NRXN1: variants seen among roughly 807,000 people sequenced by gnomAD.
The protein encoded by NRXN1 is neurexin-1.
In NRXN1, 39 loss-of-function variants were observed where a neutral mutation model predicts 150.9. That is an observed-to-expected ratio of 0.26 (90% CI 0.20 to 0.34). The LOEUF (loss-of-function observed/expected upper bound fraction) is 0.34. Ranked by LOEUF, NRXN1 falls within the 10% of genes least tolerant of loss-of-function variation. The pLI, the probability that NRXN1 is intolerant of heterozygous loss-of-function variation, is 1.00. For synonymous variants in NRXN1, 924 were observed against 757.0 expected, an observed-to-expected ratio of 1.22 and a Z score of -3.62; for missense variants, 1,815 against 1,949.9, an observed-to-expected ratio of 0.93 and a Z score of 1.30.
At chr2:50,622,973 A>G (rs1680308552) in intron 6 of NRXN1, among the ~76,000 whole-genome samples, 2 of 152,168 alleles carry the variant, frequency 1.3e-5, no homozygotes, top group African/African-American at 4.8e-5. Context: ...ATGCTTCCAA[A>G]TGATCACCAT....
At chr2:50,369,684 C>T (rs997029616) in intron 17 of NRXN1, among the ~76,000 whole-genome samples, 6 of 151,966 alleles carry the variant, frequency 3.9e-5, no homozygotes, top group Non-Finnish European at 7.4e-5. Flanking sequence ...CTGAAGCTAA[C>T]GGGCATCTTT....
intron 5 of NRXN1, among the ~76,000 whole-genome samples, chr2:50,735,776 G>A (rs984319747): frequency 6.6e-6 from 1 of 152,038 alleles, no homozygotes; most frequent in African/African-American, 2.4e-5. Flanking sequence ...GACATCTTTT[G>A]TTATATAACC....
At chr2:50,645,304 A>G (rs966630388) in intron 5 of NRXN1, among the ~76,000 whole-genome samples, 4 of 151,966 alleles carry the variant, frequency 2.6e-5, no homozygotes, top group African/African-American at 4.8e-5. Flanking sequence ...GTGTTTTTCT[A>G]TAAGCTACAT....
intron 2 of NRXN1, among the ~76,000 whole-genome samples, chr2:51,006,886 C>A (rs756196107): frequency 1.3e-5 from 2 of 151,914 alleles, no homozygotes; most frequent in African/African-American, 2.4e-5. Context: ...GCCTCCTCTA[C>A]CTCCCAAATC....
intron 17 of NRXN1, among the ~76,000 whole-genome samples, chr2:50,458,456 A>G (rs1378328648): frequency 6.6e-6 from 1 of 152,212 alleles, no homozygotes; most frequent in Non-Finnish European, 1.5e-5. Flanking sequence ...GTTCCCAACA[A>G]AAATAAGTGA....
chr2:50,034,470 C>T (rs1689696705), intron 21 of NRXN1, among the ~76,000 whole-genome samples: 1 of 151,932 alleles, frequency 6.6e-6, no homozygotes, highest in South Asian at 2.1e-4. Flanking sequence ...TACAGGGAAA[C>T]AGCTGACACC....
chr2:50,394,316 C>T (rs954410743), intron 17 of NRXN1, among the ~76,000 whole-genome samples: 2 of 152,066 alleles, frequency 1.3e-5, no homozygotes. Context: ...TATATCAAAA[C>T]CAAAGTCTAA....
intron 17 of NRXN1, among the ~76,000 whole-genome samples, chr2:50,330,511 C>G (rs1355339045): frequency 2.0e-5 from 3 of 152,088 alleles, no homozygotes; most frequent in Non-Finnish European, 4.4e-5. Flanking sequence ...GAATGTCCTT[C>G]CTCCCAATAC....
chr2:49,936,133 T>C (rs902086553), intron 22 of NRXN1, among the ~76,000 whole-genome samples: 2 of 152,212 alleles, frequency 1.3e-5, no homozygotes, highest in Non-Finnish European at 2.9e-5. Flanking sequence ...GTAGGAGGTT[T>C]CTGTATCAGC....
intron 21 of NRXN1, among the ~76,000 whole-genome samples, chr2:49,956,763 T>C (rs753972680): frequency 2.6e-5 from 4 of 152,112 alleles, no homozygotes; most frequent in Non-Finnish European, 5.9e-5. Flanking sequence ...ATAAAGGAGA[T>C]AGTCTTTTTT....
In NRXN1 at chr2:50,429,732, T is replaced by C. The variant is rs568790338; in HGVS notation, c.3364+35710A>G. Among the ~76,000 whole-genome samples the C allele has an allele frequency of 5.3e-4, 81 of 152,188 alleles. 1 individual carries two copies. Among genetic ancestry groups the C allele is most frequent in the Non-Finnish European group, 4.1e-4 (28 of 68,010 alleles). ...ATGTATTACCTAATATTTGAGGCAA[T>C]TGAGCATCAGCCTTCAAAAAGGAAC... On this transcript the variant is annotated intron_variant, in intron 17 of 22. Transcript: ENST00000401669.
chr2:50,589,827 T>C (rs564218736), intron 8 of NRXN1, among the ~76,000 whole-genome samples: 12 of 152,276 alleles, frequency 7.9e-5, no homozygotes, highest in South Asian at 6.2e-4. Context: ...CAAATGCCTA[T>C]GATTTGCCTG....
At chr2:50,297,606 T>G (rs1030507272) in intron 17 of NRXN1, among the ~76,000 whole-genome samples, 7 of 152,202 alleles carry the variant, frequency 4.6e-5, no homozygotes, top group Non-Finnish European at 1.0e-4. Flanking sequence ...CTTTTCACTC[T>G]GCCATAATAT....
At chr2:50,634,677 T>C (rs771021134) in intron 5 of NRXN1, among the ~76,000 whole-genome samples, 2 of 152,194 alleles carry the variant, frequency 1.3e-5, no homozygotes, top group African/African-American at 2.4e-5. Flanking sequence ...AAGTTAATCA[T>C]GTCATCATTT....
intron 18 of NRXN1, among the ~76,000 whole-genome samples, chr2:50,192,941 T>A (rs953913753): frequency 6.6e-6 from 1 of 152,186 alleles, no homozygotes. Context: ...AATTGTGTAG[T>A]AAAATACATA....
At chr2:50,988,513 C>T (rs1382577097) in intron 2 of NRXN1, among the ~76,000 whole-genome samples, 1 of 151,866 alleles carries the variant, frequency 6.6e-6, no homozygotes, top group Admixed American at 6.6e-5. Flanking sequence ...GACAATCCAT[C>T]CGTAAATGAC....
At chr2:50,535,033 A>G (rs1395971653) in intron 10 of NRXN1, among the ~76,000 whole-genome samples, 1 of 152,212 alleles carries the variant, frequency 6.6e-6, no homozygotes, top group Non-Finnish European at 1.5e-5. Flanking sequence ...ATAATTCTCA[A>G]TGTGAAAATA....
intron 5 of NRXN1, among the ~76,000 whole-genome samples, chr2:50,711,465 A>G (rs1387652116): frequency 6.6e-6 from 1 of 150,870 alleles, no homozygotes; most frequent in African/African-American, 2.4e-5. Context: ...CCTCCTGAGT[A>G]GCTGGGATTA....
chr2:50,715,031 G>A (rs1695687881), intron 5 of NRXN1, among the ~76,000 whole-genome samples: 1 of 151,928 alleles, frequency 6.6e-6, no homozygotes, highest in Non-Finnish European at 1.5e-5. Context: ...TTTAATATGT[G>A]GACTGTTTAC....
Sources: gnomAD v4.1 joint callset for allele counts (sites outside exome capture counted in the v4.1 genomes callset) on GRCh38, gnomAD v4.1.1 for gene constraint, MANE v1.5 for transcripts, NCBI Gene and HGNC (gene_info 2026-07-23, HGNC 2026-07-21) for gene names.